Variants in TPCN2 observed in about 807,000 individuals in gnomAD.
TPCN2 encodes the protein two pore channel protein 2.
A neutral mutation model predicts 111.4 loss-of-function variants in TPCN2; 92 were observed. The ratio of observed to expected loss-of-function variants is 0.83; its 90% CI spans 0.70 to 0.98. The LOEUF (loss-of-function observed/expected upper bound fraction) is 0.98. Ranked by LOEUF, TPCN2 falls within the 50% of genes least tolerant of loss-of-function variation. TPCN2 has a pLI of 0.00. For synonymous variants in TPCN2, 405 were observed against 414.5 expected (o/e 0.98, Z 0.28); for missense variants, 995 against 980.1 (o/e 1.02, Z -0.20).
At chr11:69,058,257 A>T (rs1186926450) in intron 5 of TPCN2, among the ~76,000 whole-genome samples, 2 of 152,192 alleles carry the variant, frequency 1.3e-5, no homozygotes, top group Non-Finnish European at 2.9e-5. Context: ...AGAGCCCCAC[A>T]GGTGCCTTGT....
chr11:69,063,699 G>A lies in TPCN2; in HGVS notation c.654-196G>A, dbSNP rs114822324. 3.1e-3 allele frequency among the ~76,000 whole-genome samples: 468 copies of A among 152,238 alleles called. 4 individuals carry two copies. Among genetic ancestry groups the A allele is most frequent in the African/African-American group, 0.011 (455 of 41,554 alleles). On this transcript the variant is annotated intron_variant, in intron 6 of 24. Transcript: ENST00000294309. ...CAAAGAAAGGACCCTGCCAGGGCAC[G>A]ACCAGGCCTTTCCTCTGGGCCCCAT...
In TPCN2 at chr11:69,076,437, T is replaced by C. The variant is rs369695204; in HGVS notation, c.1231-2045T>C. 2.1e-3 allele frequency among the ~76,000 whole-genome samples: 320 copies of C among 152,196 alleles called. 2 individuals are homozygous for C. The highest frequency in any genetic ancestry group is 7.5e-3 in the African/African-American group (313 of 41,504). Reference sequence around the variant, plus strand: ...AATTTTCAGGAGGTCAGGCTGTGGCTGTAGGTCCCCTGGGGACTATGTGTC... The same window carrying C: ...AATTTTCAGGAGGTCAGGCTGTGGCCGTAGGTCCCCTGGGGACTATGTGTC... On this transcript the variant is annotated intron_variant, in intron 13 of 24. Coordinates refer to ENST00000294309, the MANE Select transcript of TPCN2 (RefSeq NM_139075.4).
In TPCN2 at chr11:69,072,448, G is replaced by A. The variant is rs541848736; in HGVS notation, c.1062-179G>A. 6.6e-5 allele frequency among the ~76,000 whole-genome samples: 10 copies of A among 152,200 alleles called. No homozygotes were observed. In the East Asian group the frequency reaches 1.6e-3, roughly 24 times the overall value. ...GCTCATAGTGGTGAAGTCAGTTTGC[G>A]CCTTCTCGGGGGGACGGCAGTGGCA... is the stretch of plus-strand genomic sequence containing the variant. On this transcript the variant is annotated intron_variant, in intron 11 of 24. Coordinates refer to ENST00000294309, the MANE Select transcript of TPCN2 (RefSeq NM_139075.4).
At chr11:69,079,324 C>A in intron 16 of TPCN2, 1 of 429,946 alleles carries the variant, frequency 2.3e-6, no homozygotes, top group Non-Finnish European at 4.2e-6. Flanking sequence ...GCCCGGGGAA[C>A]AGCCTCTTAA....
At chr11:69,079,686 C>T in intron 16 of TPCN2, 148 bp from the exon 17 acceptor site, 1 of 658,092 alleles carries the variant, frequency 1.5e-6, no homozygotes. Flanking sequence ...CTGGAACCAA[C>T]CCGTGGGGTC....
chr11:69,076,664 C>T lies in TPCN2; in HGVS notation c.1231-1818C>T, dbSNP rs560554996. 3.1e-5 allele frequency among the ~76,000 whole-genome samples: 3 copies of T among 96,196 alleles called. No individual in the cohort carries two copies. The South Asian group carries it at 1.3e-3, about 41-fold the overall frequency. The allele number at this position is 96,196 out of a possible 152,430, so 63.1% of individuals were successfully genotyped here. On this transcript the variant is annotated intron_variant, in intron 13 of 24. Coordinates refer to ENST00000294309, the MANE Select transcript of TPCN2 (RefSeq NM_139075.4). ...CCTGCCCTCCTGCCGTGTCCCTCCACCTGCCCTCCTGCCGTGTCCCTCCAC... is the reference window on the plus strand; with the variant it reads ...CCTGCCCTCCTGCCGTGTCCCTCCATCTGCCCTCCTGCCGTGTCCCTCCAC...
chr11:69,081,034 C>T (rs1286713279), intron 17 of TPCN2, among the ~76,000 whole-genome samples: 5 of 152,028 alleles, frequency 3.3e-5, no homozygotes, highest in South Asian at 4.1e-4. Flanking sequence ...GACATGGGCT[C>T]ACGCAGTTCT....
chr11:69,057,917 C>T (rs1854846045), intron 5 of TPCN2, among the ~76,000 whole-genome samples: 1 of 152,232 alleles, frequency 6.6e-6, no homozygotes, highest in Non-Finnish European at 1.5e-5. Context: ...AGGGTTCCTC[C>T]TGGCTCGCCC....
chr11:69,081,528 C>T, intron 18 of TPCN2, 29 bp downstream of exon 18: 1 of 1,495,768 alleles, frequency 6.7e-7, no homozygotes, highest in Non-Finnish European at 9.1e-7. Context: ...CCCACTCGCC[C>T]CACCCTCCTG....
intron 5 of TPCN2, among the ~76,000 whole-genome samples, chr11:69,061,566 C>T (rs1669236328): frequency 6.6e-6 from 1 of 152,136 alleles, no homozygotes; most frequent in African/African-American, 2.4e-5. Context: ...CCAGCACAGG[C>T]GGATCGGGCA....
At chr11:69,082,490 T>G (rs1243536733) in intron 18 of TPCN2, among the ~76,000 whole-genome samples, 1 of 151,884 alleles carries the variant, frequency 6.6e-6, no homozygotes, top group Non-Finnish European at 1.5e-5. Context: ...TGAACTCATG[T>G]CCGTGTAAGA....
At chr11:69,084,158 A>C in intron 19 of TPCN2, 142 bp downstream of exon 19, 1 of 810,448 alleles carries the variant, frequency 1.2e-6, no homozygotes, top group Non-Finnish European at 2.0e-6. Context: ...TCCTGAGGCC[A>C]GGGAAGTACA....
intron 7 of TPCN2, among the ~76,000 whole-genome samples, chr11:69,064,883 TTG>T (rs373677805): frequency 6.6e-6 from 1 of 151,458 alleles, no homozygotes; most frequent in Non-Finnish European, 1.5e-5. Context: ...GTGTGCGTGT[TTG>T]TATGTGTGCA....
intron 13 of TPCN2, among the ~76,000 whole-genome samples, chr11:69,077,371 C>CTGCCCTCCTGCCATGTCCCTCCAGT (rs1194687453): frequency 1.6e-5 from 1 of 62,012 alleles, no homozygotes; most frequent in Admixed American, 1.4e-4. Flanking sequence ...GTCCCTCCAC[C>CTGCCCTCCTGCCATGTCCCTCCAGT]TGCCCTCCTG....
intron 10 of TPCN2, 89 bp from the exon 11 acceptor site, chr11:69,071,834 C>T (rs1019111604): frequency 2.3e-6 from 3 of 1,279,984 alleles, no homozygotes; most frequent in African/African-American, 2.9e-5. Context: ...CCAGACTCCC[C>T]CTCTGCCTGT....
At chr11:69,073,311 A>G (rs1855618814) in intron 13 of TPCN2, among the ~76,000 whole-genome samples, 1 of 152,208 alleles carries the variant, frequency 6.6e-6, no homozygotes, top group Non-Finnish European at 1.5e-5. Context: ...AGGTCCACAC[A>G]CTGGTCCTCT....
chr11:69,073,436 C>T (rs998999306), intron 13 of TPCN2, among the ~76,000 whole-genome samples: 2 of 152,238 alleles, frequency 1.3e-5, no homozygotes, highest in Non-Finnish European at 2.9e-5. Context: ...CAGTGGGAAA[C>T]AGCCCAGGTG....
At chr11:69,075,863 G>A (rs1372486192) in intron 13 of TPCN2, among the ~76,000 whole-genome samples, 1 of 152,216 alleles carries the variant, frequency 6.6e-6, no homozygotes, top group Non-Finnish European at 1.5e-5. Flanking sequence ...ATAGACAACA[G>A]AGGGAAGTGG....
At chr11:69,057,465 TG>T in intron 4 of TPCN2, 112 bp from the exon 5 acceptor site, 1 of 989,982 alleles carries the variant, frequency 1.0e-6, no homozygotes, top group Non-Finnish European at 1.6e-6. Context: ...CACACTGTTG[TG>T]GAGGCGCACC....
Sources: allele counts gnomAD v4.1 joint callset (sites outside exome capture counted in the v4.1 genomes callset), GRCh38; gene constraint gnomAD v4.1.1; transcripts MANE v1.5; gene names NCBI Gene and HGNC (gene_info 2026-07-23, HGNC 2026-07-21).